MYO5B: variants seen among roughly 807,000 people sequenced by gnomAD.
The protein encoded by MYO5B is unconventional myosin-Vb.
A neutral mutation model predicts 229.3 loss-of-function variants in MYO5B; 143 were observed. The ratio of observed to expected loss-of-function variants is 0.62; its 90% confidence interval spans 0.54 to 0.72. The LOEUF (loss-of-function observed/expected upper bound fraction) is 0.72. Among genes scored for constraint, MYO5B ranks in the 30% least tolerant of loss-of-function variants. The pLI is 0.00. For synonymous variants in MYO5B, 918 were observed against 885.2 expected, an observed-to-expected ratio of 1.04 and a Z score of -0.66; for missense variants, 2,321 against 2,331.0, an observed-to-expected ratio of 1.00 and a Z score of 0.09.
chr18:49,920,999 T>C (rs1367694616), intron 17 of MYO5B, among the ~76,000 whole-genome samples: 2 of 152,212 alleles, frequency 1.3e-5, no homozygotes, highest in Non-Finnish European at 2.9e-5. Flanking sequence ...AAATCAGTTC[T>C]CTATTATTCT....
intron 2 of MYO5B, among the ~76,000 whole-genome samples, chr18:50,044,999 G>C (rs138057697): frequency 6.6e-6 from 1 of 152,170 alleles, no homozygotes; most frequent in South Asian, 2.1e-4. Context: ...CATGTGAAAA[G>C]AGGGAGAAAA....
rs571633777 is a variant in MYO5B, at chr18:49,880,403, T to C, written c.3098A>G (p.Gln1033Arg). 6.2e-7 allele frequency: 1 copy of C among 1,614,174 alleles called. No individual in the cohort carries two copies. The highest frequency in any genetic ancestry group is 1.1e-5 in the South Asian group (1 of 91,088). The change falls in exon 23 of 40, where the codon CAG becomes CGG. Residue 1033 changes from glutamine (Q) to arginine (R), a missense_variant. Gln to Arg is a conservative substitution (Grantham distance 43). Coordinates refer to ENST00000285039, the MANE Select transcript of MYO5B (RefSeq NM_001080467.3). Reference sequence around the variant, plus strand: ...CTGGCACAGGATTTGGTTGTTGAGCTGTTCTTTCTCATCTTTCAAGAGAGC... The same window carrying C: ...CTGGCACAGGATTTGGTTGTTGAGCCGTTCTTTCTCATCTTTCAAGAGAGC... ...ENALLKDEKE[Q>R]LNNQILCQSK...
intron 1 of MYO5B, among the ~76,000 whole-genome samples, chr18:50,141,902 G>T (rs2032423949): frequency 6.6e-6 from 1 of 152,184 alleles, no homozygotes; most frequent in South Asian, 2.1e-4. Flanking sequence ...CCAAAGTAGT[G>T]ACAATGGGTT....
intron 1 of MYO5B, among the ~76,000 whole-genome samples, chr18:50,065,499 G>A (rs2030797089): frequency 6.6e-6 from 1 of 152,082 alleles, no homozygotes; most frequent in African/African-American, 2.4e-5. Flanking sequence ...AAAGTGCAGG[G>A]GAAACCGCCA....
rs377042411 is a variant in MYO5B at position 50,077,261 on chromosome 18, C to G, written c.28-21883G>C. Among the ~76,000 whole-genome samples, 75 of 149,768 alleles carry G rather than the reference C, an allele frequency of 5.0e-4. No homozygotes were observed. The South Asian group carries it at 5.6e-3, about 11-fold the overall frequency. On this transcript the variant is annotated intron_variant, in intron 1 of 39. Coordinates refer to ENST00000285039, the MANE Select transcript of MYO5B (RefSeq NM_001080467.3). Reference sequence around the variant, plus strand: ...CACTATTTTTTCTAGTTCATGAAACCTAACGTCTGCTCTATGCGTTCAAGT... The same window carrying G: ...CACTATTTTTTCTAGTTCATGAAACGTAACGTCTGCTCTATGCGTTCAAGT...
intron 7 of MYO5B, among the ~76,000 whole-genome samples, chr18:49,986,402 C>T (rs971045089): frequency 2.0e-5 from 3 of 152,190 alleles, no homozygotes; most frequent in South Asian, 2.1e-4. Flanking sequence ...AGTCTGACTA[C>T]ACAACCTGAA....
intron 14 of MYO5B, among the ~76,000 whole-genome samples, chr18:49,950,883 C>A (rs1046521174): frequency 6.6e-6 from 1 of 152,192 alleles, no homozygotes; most frequent in African/African-American, 2.4e-5. Context: ...TGACCCCTGG[C>A]TGGTGTCAGG....
rs565648674 is a variant in MYO5B, at chr18:49,976,297, AG to A, written c.1057-1683del. Among the ~76,000 whole-genome samples, 215 of 152,348 alleles carry A rather than the reference AG, an allele frequency of 1.4e-3. 2 individuals are homozygous for A. The highest frequency in any genetic ancestry group is 1.9e-3 in the Non-Finnish European group (129 of 68,034). ...ATTTCTCCCTTAACACCATATCCCC[AG>A]GCAATTTTTTCCTCCTACATATATT... On this transcript the variant is annotated intron_variant, in intron 9 of 39. Coordinates refer to ENST00000285039, the MANE Select transcript of MYO5B (RefSeq NM_001080467.3).
At chr18:50,105,679 G>T (rs1035015618) in intron 1 of MYO5B, among the ~76,000 whole-genome samples, 1 of 151,508 alleles carries the variant, frequency 6.6e-6, no homozygotes, top group Non-Finnish European at 1.5e-5. Flanking sequence ...CTGCACACAG[G>T]TTTCGCCTGA....
intron 4 of MYO5B, among the ~76,000 whole-genome samples, chr18:50,012,808 A>T (rs553977842): frequency 2.3e-4 from 35 of 152,330 alleles, no homozygotes; most frequent in African/African-American, 7.9e-4. Context: ...TAAATTCAGA[A>T]CCCAAAGTAG....
rs569852699 is a variant in MYO5B at position 50,093,832 on chromosome 18, C to T, written c.28-38454G>A. Among the ~76,000 whole-genome samples, 3 of 152,182 alleles carry T rather than the reference C, an allele frequency of 2.0e-5. No homozygotes were observed. The East Asian group carries it at 5.8e-4, about 29-fold the overall frequency. The stretch of plus-strand genomic sequence containing the variant: ...CAGTGCCATGACAATTTACAAATGC[C>T]ATGGCAACTTCAGGGAGTTACCCTA... On this transcript the variant is annotated intron_variant, in intron 1 of 39. Transcript: ENST00000285039.
chr18:50,045,253 A>G (rs2030191492), intron 2 of MYO5B, among the ~76,000 whole-genome samples: 1 of 152,198 alleles, frequency 6.6e-6, no homozygotes, highest in African/African-American at 2.4e-5. Context: ...GTGGTTTTCT[A>G]TCACTGTGGG....
At chr18:49,908,353 A>G (rs1373645912) in intron 18 of MYO5B, among the ~76,000 whole-genome samples, 1 of 152,170 alleles carries the variant, frequency 6.6e-6, no homozygotes, top group Non-Finnish European at 1.5e-5. Flanking sequence ...CAGTCGATCA[A>G]TCATCTTTTG....
intron 1 of MYO5B, among the ~76,000 whole-genome samples, chr18:50,187,319 G>C (rs774005765): frequency 1.3e-5 from 2 of 152,134 alleles, no homozygotes; most frequent in Non-Finnish European, 2.9e-5. Context: ...AAACTGACAG[G>C]CATCAGCTTA....
At chr18:50,188,282 C>T (rs1352783598) in intron 1 of MYO5B, among the ~76,000 whole-genome samples, 3 of 152,050 alleles carry the variant, frequency 2.0e-5, no homozygotes, top group Non-Finnish European at 4.4e-5. Context: ...TTCTTTAGGC[C>T]CCAGTCATGT....
At chr18:50,156,481 C>T (rs1389707169) in intron 1 of MYO5B, among the ~76,000 whole-genome samples, 1 of 152,194 alleles carries the variant, frequency 6.6e-6, no homozygotes, top group Non-Finnish European at 1.5e-5. Flanking sequence ...AGCACTTCTC[C>T]TTCCTGCCAT....
At chr18:49,967,516 G>A (rs2025639119) in intron 10 of MYO5B, among the ~76,000 whole-genome samples, 2 of 152,194 alleles carry the variant, frequency 1.3e-5, no homozygotes, top group African/African-American at 2.4e-5. Flanking sequence ...TCTGCCTTTG[G>A]TAGACTGAAA....
At chr18:50,025,078 C>T (rs1425856544) in intron 4 of MYO5B, among the ~76,000 whole-genome samples, 3 of 152,202 alleles carry the variant, frequency 2.0e-5, no homozygotes, top group Non-Finnish European at 4.4e-5. Context: ...CCTAGAATTA[C>T]AGAGACCCTG....
chr18:50,175,631 T>A (rs1397155405), intron 1 of MYO5B, among the ~76,000 whole-genome samples: 1 of 152,234 alleles, frequency 6.6e-6, no homozygotes, highest in African/African-American at 2.4e-5. Context: ...TCACTGTAAT[T>A]TTATATCCTC....
Sources: allele counts gnomAD v4.1 joint callset (sites outside exome capture counted in the v4.1 genomes callset), GRCh38; gene constraint gnomAD v4.1.1; transcripts MANE v1.5; gene names NCBI Gene and HGNC (gene_info 2026-07-23, HGNC 2026-07-21).